The following CLOCK variants were observed in gnomAD, a reference collection of about 807,000 sequenced individuals.
CLOCK encodes circadian locomoter output cycles protein kaput.
CLOCK carries 43 observed loss-of-function variants against 118.4 expected under a neutral mutation model. The ratio of observed to expected loss-of-function variants is 0.36; its 90% CI spans 0.28 to 0.47. The LOEUF is 0.47. Among genes scored for constraint, CLOCK ranks in the 20% least tolerant of loss-of-function variants. CLOCK has a pLI of 1.00. For missense variants in CLOCK, 846 were observed against 999.9 expected, an observed-to-expected ratio of 0.85 and a Z score of 2.08; for synonymous variants, 326 against 339.2, an observed-to-expected ratio of 0.96 and a Z score of 0.43.
At chr4:55,464,784 G>C (rs894668428) in intron 8 of CLOCK, among the ~76,000 whole-genome samples, 2 of 152,210 alleles carry the variant, frequency 1.3e-5, no homozygotes, top group Admixed American at 1.3e-4. Context: ...TGAGAGGGGA[G>C]AAAGGGGTGT....
intron 2 of CLOCK, among the ~76,000 whole-genome samples, chr4:55,503,978 T>TAAAAGACAAAAAAAAAA (rs1553900254): frequency 1.4e-5 from 1 of 71,130 alleles, no homozygotes; most frequent in Non-Finnish European, 2.5e-5. Flanking sequence ...CAAAAAGAGG[T>TAAAAGACAAAAAAAAAA]AAAAAAAAAA....
chr4:55,537,439 T>C (rs1480686426), intron 1 of CLOCK, among the ~76,000 whole-genome samples: 1 of 151,940 alleles, frequency 6.6e-6, no homozygotes, highest in Non-Finnish European at 1.5e-5. Context: ...GGCAACATAG[T>C]GAAACCCTAT....
intron 18 of CLOCK, among the ~76,000 whole-genome samples, chr4:55,446,106 T>C (rs1192520230): frequency 3.4e-5 from 5 of 148,948 alleles, no homozygotes; most frequent in Admixed American, 6.7e-5. Context: ...AACTTCTTTT[T>C]TTTTTTTTTT....
chr4:55,441,429 A>T (rs1723359443), intron 21 of CLOCK, among the ~76,000 whole-genome samples: 1 of 152,228 alleles, frequency 6.6e-6, no homozygotes, highest in Non-Finnish European at 1.5e-5. Flanking sequence ...ACACCTGCAT[A>T]CATATGGCTA....
chr4:55,473,016 G>A (rs985621748), intron 7 of CLOCK, among the ~76,000 whole-genome samples: 54 of 152,150 alleles, frequency 3.5e-4, no homozygotes, highest in Non-Finnish European at 4.9e-4. Context: ...ACCTGAGGCT[G>A]AGTTTGAGAC....
At chr4:55,446,236 G>T (rs1723838716) in intron 18 of CLOCK, among the ~76,000 whole-genome samples, 2 of 151,508 alleles carry the variant, frequency 1.3e-5, no homozygotes, top group Admixed American at 1.3e-4. Context: ...TGGGACTACA[G>T]GCATATGCCA....
intron 8 of CLOCK, among the ~76,000 whole-genome samples, chr4:55,467,482 G>A (rs777170123): frequency 2.0e-5 from 3 of 152,138 alleles, no homozygotes; most frequent in African/African-American, 4.8e-5. Context: ...GAAGGGCATC[G>A]AATTTTGAAT....
intron 1 of CLOCK, among the ~76,000 whole-genome samples, chr4:55,528,346 CAA>C (rs57587198): frequency 0.36 from 50,246 of 139,278 alleles, 9,055 homozygotes; most frequent in East Asian, 0.59. Context: ...AACTCCACCT[CAA>C]AAAAAAAAAA....
chr4:55,542,379 A>ATAATAT (rs1731335465), intron 1 of CLOCK, among the ~76,000 whole-genome samples: 1 of 56,576 alleles, frequency 1.8e-5, no homozygotes, highest in African/African-American at 8.8e-5. Context: ...AATAATAATA[A>ATAATAT]TATTATTATT....
At chr4:55,472,529 TTTC>T (rs199532695) in intron 7 of CLOCK, among the ~76,000 whole-genome samples, 2,572 of 152,324 alleles carry the variant, frequency 0.017, 72 homozygotes, top group African/African-American at 0.058. Flanking sequence ...TAAATTCTAA[TTTC>T]TTGTTTACTT....
intron 7 of CLOCK, among the ~76,000 whole-genome samples, chr4:55,475,639 G>C (rs1418789524): frequency 6.6e-6 from 1 of 152,166 alleles, no homozygotes; most frequent in Non-Finnish European, 1.5e-5. Context: ...TAATCAGTTA[G>C]TAGCCACTGA....
intron 18 of CLOCK, 141 bp from the exon 19 acceptor site, chr4:55,444,926 C>A: frequency 1.1e-6 from 1 of 888,044 alleles, no homozygotes; most frequent in Non-Finnish European, 1.8e-6. Flanking sequence ...AGTTTCTAAT[C>A]CACCCATCTT....
intron 7 of CLOCK, among the ~76,000 whole-genome samples, chr4:55,475,722 T>G (rs1329140613): frequency 6.6e-6 from 1 of 152,220 alleles, no homozygotes; most frequent in African/African-American, 2.4e-5. Flanking sequence ...TAGCATTTTT[T>G]AGCAATAAAG....
intron 2 of CLOCK, among the ~76,000 whole-genome samples, chr4:55,508,144 A>G (rs570705927): frequency 1.7e-4 from 26 of 152,308 alleles, no homozygotes; most frequent in Non-Finnish European, 2.6e-4. Context: ...AGGCCTATCC[A>G]TTGACTCCAA....
rs1728958829 is a variant in CLOCK, at chr4:55,508,685, C to T, written c.-136+1227G>A. On this transcript the variant is annotated intron_variant, in intron 2 of 22. Transcript: ENST00000513440. ...TCGGCTCACTGCAAGCGCCGACTCC[C>T]GGGTTCACGCCATTCTTCTGCCTCA... 2.0e-5 allele frequency among the ~76,000 whole-genome samples: 3 copies of T among 151,944 alleles called. No homozygotes were observed. The South Asian group carries it at 6.2e-4, about 32-fold the overall frequency.
intron 7 of CLOCK, among the ~76,000 whole-genome samples, chr4:55,472,739 C>A (rs1415370246): frequency 1.3e-5 from 2 of 151,806 alleles, no homozygotes; most frequent in Non-Finnish European, 1.5e-5. Flanking sequence ...CCTTGTCCCC[C>A]CCCTTCTTTT....
rs1024359886 is a variant in CLOCK, at chr4:55,452,821, T to C, written c.1206+233A>G. The C allele has an allele frequency of 1.3e-5, 5 of 398,906 alleles. No homozygotes were observed. The South Asian group carries it at 1.7e-4, about 14-fold the overall frequency. 24.7% of individuals were successfully genotyped at this position (398,906 alleles called of 1,614,324 possible). A position where few individuals can be genotyped will look rare whatever the true frequency, so the allele number is the denominator to read the frequency against. On this transcript the variant is annotated intron_variant, in intron 15 of 22. Transcript: ENST00000513440. The stretch of plus-strand genomic sequence containing the variant: ...ACCTAGCCAGAGACTAGTACATCAC[T>C]GGGAATAAATGGTAGTTTTGAGATC...
chr4:55,445,973 A>G (rs551071075), intron 18 of CLOCK, among the ~76,000 whole-genome samples: 3 of 151,956 alleles, frequency 2.0e-5, no homozygotes, highest in African/African-American at 7.2e-5. Context: ...TTTTTATATT[A>G]TTCCTGTTCA....
chr4:55,484,196 T>TC (rs397993431), intron 3 of CLOCK, among the ~76,000 whole-genome samples: 9 of 151,900 alleles, frequency 5.9e-5, no homozygotes, highest in Admixed American at 2.6e-4. Flanking sequence ...TATTTTTTTT[T>TC]CTTTTTGTTT....
Sources: gnomAD v4.1 joint callset for allele counts (sites outside exome capture counted in the v4.1 genomes callset) on GRCh38, gnomAD v4.1.1 for gene constraint, MANE v1.5 for transcripts, NCBI Gene and HGNC (gene_info 2026-07-23, HGNC 2026-07-21) for gene names.